EPHA3: variants seen among roughly 807,000 people sequenced by gnomAD.
The protein encoded by EPHA3 is EPH receptor A3.
Under a neutral mutation model 107.1 loss-of-function variants are expected in EPHA3, and 42 were observed. The observed-to-expected ratio is 0.39, with a 90% confidence interval of 0.31 to 0.51. The LOEUF is 0.51. Ranked by LOEUF, EPHA3 falls within the 20% of genes least tolerant of loss-of-function variation. The pLI, the probability that EPHA3 is intolerant of heterozygous loss-of-function variation, is 0.78. For missense variants in EPHA3, 1,183 were observed against 1,211.2 expected (o/e 0.98, Z 0.35); for synonymous variants, 461 against 424.8 (o/e 1.09, Z -1.05).
intron 13 of EPHA3, among the ~76,000 whole-genome samples, chr3:89,433,316 C>T (rs1264110247): frequency 6.6e-6 from 1 of 151,392 alleles, no homozygotes; most frequent in Non-Finnish European, 1.5e-5. Flanking sequence ...AAAAAAAAAG[C>T]TCATCCTATT....
At chr3:89,319,771 T>A (rs1159950376) in intron 3 of EPHA3, among the ~76,000 whole-genome samples, 1 of 152,026 alleles carries the variant, frequency 6.6e-6, no homozygotes, top group Admixed American at 6.6e-5. Context: ...TCTTTTAATT[T>A]CTAAGCTATT....
At chr3:89,446,778 G>C (rs895722879) in intron 13 of EPHA3, among the ~76,000 whole-genome samples, 2 of 150,880 alleles carry the variant, frequency 1.3e-5, no homozygotes, top group African/African-American at 4.9e-5. Flanking sequence ...GATCCTTTCA[G>C]TATAAGTATA....
At position 89,449,149 on chromosome 3, in the gene EPHA3, C is replaced by T. The variant is rs192197511; in HGVS notation, c.2347-76C>T. The stretch of plus-strand genomic sequence containing the variant: ...CAGAAATACTATGAGAAATTCTGTC[C>T]GGTTTCAGATTATGTTATGTATATT... On this transcript the variant is annotated intron_variant, in intron 13 of 16. Coordinates refer to ENST00000336596, the MANE Select transcript of EPHA3 (RefSeq NM_005233.6). 5.1e-5 allele frequency: 67 copies of T among 1,311,116 alleles called. No homozygotes were observed. The Admixed American group carries it at 5.2e-4, about 10-fold the overall frequency. The allele number at this position is 1,311,116 out of a possible 1,614,324, so 81.2% of individuals were successfully genotyped here. A position where few individuals can be genotyped will look rare whatever the true frequency, so the allele number is the denominator to read the frequency against.
chr3:89,447,425 G>A (rs1447069291), intron 13 of EPHA3, among the ~76,000 whole-genome samples: 1 of 152,032 alleles, frequency 6.6e-6, no homozygotes, highest in African/African-American at 2.4e-5. Flanking sequence ...CCTTTTCAAA[G>A]AGCTTCTGGC....
chr3:89,327,082 A>G (rs1476358131), intron 3 of EPHA3, among the ~76,000 whole-genome samples: 2 of 152,114 alleles, frequency 1.3e-5, no homozygotes, highest in East Asian at 3.9e-4. Context: ...TAAATAAAAG[A>G]AAGATGCCCA....
In EPHA3 at chr3:89,335,853, TTGAC is replaced by T. The variant is rs1358284134; in HGVS notation, c.815-5058_815-5055del. ...ATCCATGAATAATTTTTCCACGTGTTTGACTGACAAGAACATTTACTACTGGATT... is the reference window on the plus strand; with the variant it reads ...ATCCATGAATAATTTTTCCACGTGTTTGACAAGAACATTTACTACTGGATT... On this transcript the variant is annotated intron_variant, in intron 3 of 16. Transcript: ENST00000336596. 6.6e-5 allele frequency among the ~76,000 whole-genome samples: 10 copies of T among 152,304 alleles called. 1 individual carries two copies. The East Asian group carries it at 1.5e-3, about 24-fold the overall frequency.
rs1169141091 is a variant in EPHA3 at position 89,429,096 on chromosome 3, G to C, written c.2075-10G>C. On this transcript the variant is annotated splice_polypyrimidine_tract_variant and intron_variant, in intron 11 of 16. Transcript: ENST00000336596. ...TACTGATTATTATTTATTATTTACT[G>C]TATATCTAGGTAAGCCAGTTATGAT... 1 of 1,578,738 alleles carries C rather than the reference G, an allele frequency of 6.3e-7. No individual in the cohort carries two copies. The highest frequency in any genetic ancestry group is 8.7e-7 in the Non-Finnish European group (1 of 1,148,976).
chr3:89,311,008 T>C (rs1706752733), intron 3 of EPHA3, among the ~76,000 whole-genome samples: 1 of 152,056 alleles, frequency 6.6e-6, no homozygotes, highest in South Asian at 2.1e-4. Flanking sequence ...TATTTGGTTT[T>C]CTTATCTGTA....
At chr3:89,268,703 C>A (rs1465480805) in intron 3 of EPHA3, among the ~76,000 whole-genome samples, 1 of 151,808 alleles carries the variant, frequency 6.6e-6, no homozygotes, top group South Asian at 2.1e-4. Context: ...AAAAAGAAAT[C>A]TTGTCTATAG....
chr3:89,226,440 C>G (rs1382375105), intron 3 of EPHA3, among the ~76,000 whole-genome samples: 1 of 152,058 alleles, frequency 6.6e-6, no homozygotes, highest in Admixed American at 6.6e-5. Flanking sequence ...TTTTCCTAAA[C>G]GTTCCAGGAA....
chr3:89,390,127 G>A (rs773042837), intron 5 of EPHA3, among the ~76,000 whole-genome samples: 1 of 152,026 alleles, frequency 6.6e-6, no homozygotes, highest in Admixed American at 6.6e-5. Flanking sequence ...AAGTAGCTGG[G>A]ATTACAGTCA....
chr3:89,458,181 G>A (rs1225673086), intron 15 of EPHA3, among the ~76,000 whole-genome samples: 1 of 152,168 alleles, frequency 6.6e-6, no homozygotes, highest in Non-Finnish European at 1.5e-5. Context: ...ATCAGTGACA[G>A]GAAATGGCAA....
intron 3 of EPHA3, among the ~76,000 whole-genome samples, chr3:89,226,914 G>A (rs1704515100): frequency 6.6e-6 from 1 of 152,040 alleles, no homozygotes; most frequent in Admixed American, 6.6e-5. Context: ...GCATAAGATT[G>A]TTGAGTATAA....
chr3:89,350,633 C>T (rs1469671001), intron 5 of EPHA3, among the ~76,000 whole-genome samples: 12 of 150,814 alleles, frequency 8.0e-5, no homozygotes, highest in African/African-American at 2.9e-4. Flanking sequence ...AGTCATTCTC[C>T]ATCCAGCTTT....
chr3:89,443,006 A>G (rs764600056), intron 13 of EPHA3, among the ~76,000 whole-genome samples: 3 of 152,210 alleles, frequency 2.0e-5, no homozygotes, highest in Admixed American at 6.5e-5. Context: ...CATGGAGTAA[A>G]ATCATACATA....
At chr3:89,335,053 C>A (rs1422602413) in intron 3 of EPHA3, among the ~76,000 whole-genome samples, 1 of 152,070 alleles carries the variant, frequency 6.6e-6, no homozygotes, top group Non-Finnish European at 1.5e-5. Flanking sequence ...TGAAACTGAT[C>A]TCCTTTTTAA....
At chr3:89,426,624 C>T (rs1305397967) in intron 11 of EPHA3, among the ~76,000 whole-genome samples, 1 of 151,722 alleles carries the variant, frequency 6.6e-6, no homozygotes, top group South Asian at 2.1e-4. Flanking sequence ...TCCCACTAGA[C>T]ATGCTAATGA....
intron 2 of EPHA3, among the ~76,000 whole-genome samples, chr3:89,208,158 G>T (rs1280984760): frequency 6.6e-6 from 1 of 151,856 alleles, no homozygotes; most frequent in Non-Finnish European, 1.5e-5. Context: ...TGGATCACGA[G>T]GCCAGGAGTT....
At chr3:89,396,105 A>G (rs535100783) in intron 6 of EPHA3, 144 bp downstream of exon 6, 70 of 1,121,702 alleles carry the variant, frequency 6.2e-5, no homozygotes, top group Non-Finnish European at 1.2e-6. Flanking sequence ...CCTTTGATTT[A>G]TTGGTAGAGG....
Sources: allele counts gnomAD v4.1 joint callset (sites outside exome capture counted in the v4.1 genomes callset), GRCh38; gene constraint gnomAD v4.1.1; transcripts MANE v1.5; gene names NCBI Gene and HGNC (gene_info 2026-07-23, HGNC 2026-07-21).